The following MICU2 variants were observed in gnomAD, a reference collection of about 807,000 sequenced individuals.
MICU2 encodes the protein mitochondrial calcium uptake 2, also known as calcium uptake protein 2, mitochondrial.
In MICU2, 64 loss-of-function variants were observed where a neutral mutation model predicts 60.4. The ratio of observed to expected loss-of-function variants is 1.06; its 90% CI spans 0.87 to 1.31. The LOEUF is 1.31. Ranked by LOEUF, MICU2 falls within the 50% of genes most tolerant of loss-of-function variation. The pLI is 0.00. For synonymous variants in MICU2, 201 were observed against 175.0 expected, an observed-to-expected ratio of 1.15 and a Z score of -1.17; for missense variants, 569 against 531.0, an observed-to-expected ratio of 1.07 and a Z score of -0.70.
At chr13:21,587,122 G>A (rs1211755888) in intron 1 of MICU2, among the ~76,000 whole-genome samples, 1 of 152,178 alleles carries the variant, frequency 6.6e-6, no homozygotes, top group African/African-American at 2.4e-5. Flanking sequence ...AGGGACGAGG[G>A]GAGGAGAGAA....
At chr13:21,556,426 ACT>A (rs1887710860) in intron 2 of MICU2, among the ~76,000 whole-genome samples, 3 of 152,236 alleles carry the variant, frequency 2.0e-5, no homozygotes, top group African/African-American at 7.2e-5. Context: ...CAGTCCTTTG[ACT>A]TATCTTTTCT....
chr13:21,507,918 TTCTTTCTC>T (rs1886330248), intron 8 of MICU2, among the ~76,000 whole-genome samples: 1 of 151,874 alleles, frequency 6.6e-6, no homozygotes, highest in South Asian at 2.1e-4. Flanking sequence ...TCTTTTCTTT[TTCTTTCTC>T]TCTTTCTTTC....
chr13:21,515,927 A>C (rs1044090), intron 6 of MICU2, among the ~76,000 whole-genome samples: 48,816 of 152,102 alleles, frequency 0.32, 8,778 homozygotes, highest in South Asian at 0.41. Context: ...TCAATATCCA[A>C]ACATTTCTCC....
intron 7 of MICU2, among the ~76,000 whole-genome samples, chr13:21,513,245 C>A (rs768405254): frequency 1.1e-4 from 17 of 152,012 alleles, no homozygotes; most frequent in Admixed American, 1.0e-3. Context: ...CCTTGTCTTG[C>A]CTTACTGGAG....
intron 1 of MICU2, among the ~76,000 whole-genome samples, chr13:21,594,030 T>C (rs188335572): frequency 4.1e-4 from 63 of 152,040 alleles, no homozygotes; most frequent in Non-Finnish European, 7.4e-5. Flanking sequence ...AATTGACAAA[T>C]GGGATCTAAT....
At chr13:21,583,068 CAAGTCTACTAATGA>C (rs1477981870) in intron 1 of MICU2, 1 of 152,414 alleles carries the variant, frequency 6.6e-6, no homozygotes, top group Non-Finnish European at 1.5e-5. Flanking sequence ...GCCTAATGGT[CAAGTCTACTAATGA>C]AATACAAAGT....
intron 2 of MICU2, chr13:21,551,512 G>T (rs1034483839): frequency 6.6e-6 from 1 of 151,644 alleles, no homozygotes; most frequent in Non-Finnish European, 1.5e-5. Flanking sequence ...ATGTATACAT[G>T]TGCCATGTTG....
chr13:21,561,008 G>A (rs1480518437), intron 2 of MICU2, among the ~76,000 whole-genome samples: 1 of 152,102 alleles, frequency 6.6e-6, no homozygotes, highest in Non-Finnish European at 1.5e-5. Context: ...ACTTTCATTG[G>A]TTGAAAATAT....
intron 2 of MICU2, 132 bp from the exon 3 acceptor site, chr13:21,539,820 T>A: frequency 1.3e-6 from 1 of 779,780 alleles, no homozygotes; most frequent in Non-Finnish European, 2.0e-6. Flanking sequence ...GCTTGTAATT[T>A]TAGCTAATAT....
chr13:21,525,481 G>A (rs1468556259), intron 4 of MICU2, among the ~76,000 whole-genome samples: 2 of 151,778 alleles, frequency 1.3e-5, no homozygotes, highest in Non-Finnish European at 1.5e-5. Context: ...GTGAGCCACC[G>A]CGCCTGGCCA....
Position 21,519,105 on chromosome 13 carries a change from C to T in MICU2, c.597+2140G>A, listed in dbSNP as rs575853435. 1.7e-4 allele frequency among the ~76,000 whole-genome samples: 26 copies of T among 152,182 alleles called. No individual in the cohort carries two copies. The East Asian group carries it at 4.4e-3, about 26-fold the overall frequency. ...TATTATTTTTTTTGAGACAGAGTTT[C>T]GCTTGCGATGGCACGATCTCGGCTC... On this transcript the variant is annotated intron_variant, in intron 6 of 11. Transcript: ENST00000382374.
At chr13:21,528,644 T>C (rs1886914143) in intron 4 of MICU2, among the ~76,000 whole-genome samples, 2 of 152,240 alleles carry the variant, frequency 1.3e-5, no homozygotes, top group Non-Finnish European at 2.9e-5. Flanking sequence ...ATATACCACA[T>C]GCTAGCCATT....
chr13:21,530,341 A>T (rs979258112), intron 4 of MICU2, among the ~76,000 whole-genome samples: 1 of 152,068 alleles, frequency 6.6e-6, no homozygotes, highest in South Asian at 2.1e-4. Flanking sequence ...CATCATGCTC[A>T]TTCCTCTATT....
intron 4 of MICU2, among the ~76,000 whole-genome samples, chr13:21,529,569 G>A (rs918306773): frequency 7.9e-5 from 12 of 152,214 alleles, no homozygotes; most frequent in African/African-American, 2.7e-4. Flanking sequence ...GGCAGGAGGT[G>A]GAAGAGGGCC....
chr13:21,566,772 T>TA (rs66467009), intron 2 of MICU2, 25 bp downstream of exon 2: 8,597 of 1,256,456 alleles, frequency 6.8e-3, no homozygotes, highest in South Asian at 9.5e-3. Context: ...TTTTTTTAAT[T>TA]AAAAAAAAAA....
intron 1 of MICU2, among the ~76,000 whole-genome samples, chr13:21,586,276 T>C (rs1275481765): frequency 6.6e-6 from 1 of 152,202 alleles, no homozygotes; most frequent in Non-Finnish European, 1.5e-5. Context: ...CTTTAAGCCT[T>C]TTTTAATAGA....
At chr13:21,579,621 C>A (rs1313985700) in intron 1 of MICU2, among the ~76,000 whole-genome samples, 1 of 152,082 alleles carries the variant, frequency 6.6e-6, no homozygotes, top group African/African-American at 2.4e-5. Context: ...GGATTATAGG[C>A]GTGAGCCACC....
In MICU2 at chr13:21,521,278, A is replaced by T. The variant is rs142454551; in HGVS notation, c.564T>A (p.Gly188=). The change falls in exon 6 of 12, where the codon GGT becomes GGA. Residue 188 remains glycine, a synonymous_variant. Transcript: ENST00000382374. The stretch of plus-strand genomic sequence containing the variant: ...ATTCCCTTTTTTCAATCATCTCATT[A>T]CCATCTGTATCCAGCATTTTAAAAG... The part of the protein sequence containing the change: ...HVAFKMLDTD[G]NEMIEKREFF... 1,593 of 1,609,994 alleles carry T rather than the reference A, an allele frequency of 9.9e-4. 21 individuals are homozygous for T. The highest frequency in any genetic ancestry group is 3.6e-4 in the Admixed American group (21 of 59,032).
intron 2 of MICU2, among the ~76,000 whole-genome samples, chr13:21,541,892 A>C (rs1005175555): frequency 5.3e-5 from 8 of 152,198 alleles, no homozygotes; most frequent in African/African-American, 1.9e-4. Context: ...AGAAAACCAG[A>C]TACTTAATGC....
Sources: allele counts gnomAD v4.1 joint callset (sites outside exome capture counted in the v4.1 genomes callset), GRCh38; gene constraint gnomAD v4.1.1; transcripts MANE v1.5; gene names NCBI Gene and HGNC (gene_info 2026-07-23, HGNC 2026-07-21).